LRRC4C: variants seen among roughly 807,000 people sequenced by gnomAD.
LRRC4C encodes the protein leucine rich repeat containing 4C, also known as leucine-rich repeat-containing protein 4C.
Under a neutral mutation model 33.6 loss-of-function variants are expected in LRRC4C, and 5 were observed. The ratio of observed to expected loss-of-function variants is 0.15; its 90% CI spans 0.08 to 0.31. The LOEUF (loss-of-function observed/expected upper bound fraction) is 0.31, where lower values mean the gene tolerates loss of function less well. LRRC4C is among the 10% of genes least tolerant of loss of function. The pLI, the probability that LRRC4C is intolerant of heterozygous loss-of-function variation, is 1.00. For synonymous variants in LRRC4C, 329 were observed against 302.0 expected, an observed-to-expected ratio of 1.09 and a Z score of -0.93; for missense variants, 560 against 796.7, an observed-to-expected ratio of 0.70 and a Z score of 3.58.
chr11:40,760,559 A>C (rs1949157907), intron 2 of LRRC4C, among the ~76,000 whole-genome samples: 2 of 151,870 alleles, frequency 1.3e-5, no homozygotes, highest in South Asian at 4.1e-4. Flanking sequence ...AGGCTAAGTT[A>C]GTTACTTTTG....
intron 6 of LRRC4C, among the ~76,000 whole-genome samples, chr11:40,119,454 T>C (rs1376797519): frequency 6.6e-6 from 1 of 152,102 alleles, no homozygotes; most frequent in Non-Finnish European, 1.5e-5. Context: ...TCTGGTACTG[T>C]GATTATTTGT....
intron 1 of LRRC4C, among the ~76,000 whole-genome samples, chr11:41,409,426 A>G (rs897407776): frequency 6.6e-6 from 1 of 152,248 alleles, no homozygotes; most frequent in Non-Finnish European, 1.5e-5. Flanking sequence ...ACTTTCTGAC[A>G]GGCAAAATGC....
At chr11:40,784,725 G>A (rs1950341627) in intron 2 of LRRC4C, among the ~76,000 whole-genome samples, 1 of 152,182 alleles carries the variant, frequency 6.6e-6, no homozygotes, top group South Asian at 2.1e-4. Flanking sequence ...TCAATGGCAT[G>A]ACTGTAACAG....
At chr11:40,181,294 G>A (rs1860981906) in intron 5 of LRRC4C, among the ~76,000 whole-genome samples, 1 of 152,104 alleles carries the variant, frequency 6.6e-6, no homozygotes, top group Non-Finnish European at 1.5e-5. Flanking sequence ...GAAAGAAGAT[G>A]TGGGAACAAA....
At chr11:41,228,895 T>A (rs1016579178) in intron 1 of LRRC4C, among the ~76,000 whole-genome samples, 1 of 152,174 alleles carries the variant, frequency 6.6e-6, no homozygotes, top group African/African-American at 2.4e-5. Context: ...CAGTTCAACA[T>A]TGGAGTCCTT....
chr11:40,312,513 T>C (rs1945364173), intron 4 of LRRC4C, among the ~76,000 whole-genome samples: 1 of 152,182 alleles, frequency 6.6e-6, no homozygotes, highest in African/African-American at 2.4e-5. Context: ...GATAGTGGTA[T>C]TGATAAGTAG....
intron 1 of LRRC4C, among the ~76,000 whole-genome samples, chr11:41,313,234 A>G (rs1466385469): frequency 2.0e-5 from 3 of 152,180 alleles, no homozygotes; most frequent in Non-Finnish European, 4.4e-5. Context: ...CTCCTTCCTC[A>G]ACATGTCAAG....
At chr11:40,317,523 T>C (rs1184240218) in intron 4 of LRRC4C, among the ~76,000 whole-genome samples, 3 of 152,098 alleles carry the variant, frequency 2.0e-5, no homozygotes. Flanking sequence ...CTGACAATTG[T>C]AGCCATGCAG....
chr11:40,467,020 C>T (rs72897062), intron 3 of LRRC4C, among the ~76,000 whole-genome samples: 11,064 of 152,068 alleles, frequency 0.073, 745 homozygotes, highest in African/African-American at 0.18. Flanking sequence ...TTTCAATTTT[C>T]TTAAAAGGAA....
At chr11:40,631,767 T>C (rs1022279865) in intron 3 of LRRC4C, among the ~76,000 whole-genome samples, 1 of 152,210 alleles carries the variant, frequency 6.6e-6, no homozygotes, top group Non-Finnish European at 1.5e-5. Context: ...ATAGAAGCAT[T>C]TGATCATATT....
chr11:40,972,506 T>C (rs1565258091), intron 1 of LRRC4C, among the ~76,000 whole-genome samples: 1 of 152,120 alleles, frequency 6.6e-6, no homozygotes, highest in Non-Finnish European at 1.5e-5. Context: ...GCTAGTGTAT[T>C]AGTTTGTTCT....
chr11:40,719,973 T>G (rs745537902), intron 2 of LRRC4C, among the ~76,000 whole-genome samples: 29 of 152,198 alleles, frequency 1.9e-4, no homozygotes, highest in African/African-American at 7.0e-4. Flanking sequence ...TTTTGGAGAT[T>G]CTTAGGCAAA....
intron 3 of LRRC4C, among the ~76,000 whole-genome samples, chr11:40,438,324 A>G (rs1951231952): frequency 6.6e-6 from 1 of 152,246 alleles, no homozygotes; most frequent in Non-Finnish European, 1.5e-5. Flanking sequence ...AATAAAAACA[A>G]AAACATAAAC....
intron 1 of LRRC4C, among the ~76,000 whole-genome samples, chr11:41,393,547 C>T (rs1269600326): frequency 4.0e-5 from 6 of 151,786 alleles, no homozygotes; most frequent in East Asian, 1.9e-4. Context: ...AGAAACAGAT[C>T]GCCACTGGTT....
At chr11:41,198,626 A>AAAAAAAGTATGGAGGGGAGAGG (rs1565472683) in intron 1 of LRRC4C, among the ~76,000 whole-genome samples, 2 of 28,668 alleles carry the variant, frequency 7.0e-5, no homozygotes. Context: ...AGGGGAGAGG[A>AAAAAAAGTATGGAGGGGAGAGG]AAAAAAAGTA....
intron 5 of LRRC4C, among the ~76,000 whole-genome samples, chr11:40,210,738 C>A (rs930769626): frequency 6.6e-6 from 1 of 152,070 alleles, no homozygotes; most frequent in Non-Finnish European, 1.5e-5. Flanking sequence ...CTCTCTCACT[C>A]GGAATGTCTA....
intron 1 of LRRC4C, among the ~76,000 whole-genome samples, chr11:41,241,683 G>A (rs940416189): frequency 6.6e-6 from 1 of 152,120 alleles, no homozygotes; most frequent in Non-Finnish European, 1.5e-5. Context: ...TATCAAGAAT[G>A]TTTTGTAGGT....
At chr11:40,921,833 T>G (rs565387013) in intron 2 of LRRC4C, among the ~76,000 whole-genome samples, 47 of 152,290 alleles carry the variant, frequency 3.1e-4, no homozygotes, top group African/African-American at 1.0e-3. Context: ...ATAAACATAA[T>G]CTAGACTACT....
At chr11:41,008,932 A>G in intron 1 of LRRC4C, among the ~76,000 whole-genome samples, 1 of 152,092 alleles carries the variant, frequency 6.6e-6, no homozygotes, top group East Asian at 1.9e-4. Flanking sequence ...TGCCTTTTTA[A>G]TGATATAAAT....
Sources: allele counts gnomAD v4.1 joint callset (sites outside exome capture counted in the v4.1 genomes callset), GRCh38; gene constraint gnomAD v4.1.1; transcripts MANE v1.5; gene names NCBI Gene and HGNC (gene_info 2026-07-23, HGNC 2026-07-21).